ACSL1: variants seen among roughly 807,000 people sequenced by gnomAD.
ACSL1 encodes the protein acyl-CoA synthetase long chain family member 1.
In ACSL1, 41 loss-of-function variants were observed where a neutral mutation model predicts 98.4. The ratio of observed to expected loss-of-function variants is 0.42; its 90% CI spans 0.32 to 0.54. The LOEUF (loss-of-function observed/expected upper bound fraction) is 0.54, where lower values mean the gene tolerates loss of function less well. ACSL1 is among the 20% of genes least tolerant of loss of function. The pLI is 0.13. For synonymous variants in ACSL1, 316 were observed against 322.7 expected, an observed-to-expected ratio of 0.98 and a Z score of 0.22; for missense variants, 734 against 883.1, an observed-to-expected ratio of 0.83 and a Z score of 2.14.
Position 184,805,422 on chromosome 4 carries a change from C to T in ACSL1, c.-32-1876G>A, listed in dbSNP as rs373224662. Reference sequence around the variant, plus strand: ...ACACACACACACACAAACACACACACGAAATTTCAAGGTTTACCATGACAG... The same window carrying T: ...ACACACACACACACAAACACACACATGAAATTTCAAGGTTTACCATGACAG... On this transcript the variant is annotated intron_variant, in intron 1 of 20. Coordinates refer to ENST00000281455, the MANE Select transcript of ACSL1 (RefSeq NM_001995.5). 3.8e-4 allele frequency: 369 copies of T among 969,240 alleles called. 1 individual carries two copies. Among genetic ancestry groups the T allele is most frequent in the African/African-American group, 2.6e-3 (147 of 56,946 alleles). The allele number at this position is 969,240 out of a possible 1,614,324, so 60.0% of individuals were successfully genotyped here.
intron 7 of ACSL1, among the ~76,000 whole-genome samples, chr4:184,774,375 G>A (rs920177251): frequency 2.0e-5 from 3 of 152,160 alleles, no homozygotes; most frequent in Non-Finnish European, 4.4e-5. Flanking sequence ...TGAAATGCTA[G>A]GCATTTTGGA....
Position 184,767,915 on chromosome 4 carries a change from C to A in ACSL1, c.1128+401G>T, listed in dbSNP as rs1157402105. ...ATGTTTTACATGTCCATGCAAGGAG[C>A]TTTACAATGAAGAAAACCATTTCAT... is the stretch of plus-strand genomic sequence containing the variant. On this transcript the variant is annotated intron_variant, in intron 12 of 20. Coordinates refer to ENST00000281455, the MANE Select transcript of ACSL1 (RefSeq NM_001995.5). 4 of 257,032 alleles carry A rather than the reference C, an allele frequency of 1.6e-5. No homozygotes were observed. The East Asian group carries it at 2.3e-4, about 14-fold the overall frequency. The allele number at this position is 257,032 out of a possible 1,614,324, so 15.9% of individuals were successfully genotyped here.
At chr4:184,814,552 T>C (rs1417336581) in intron 1 of ACSL1, among the ~76,000 whole-genome samples, 1 of 152,178 alleles carries the variant, frequency 6.6e-6, no homozygotes, top group African/African-American at 2.4e-5. Context: ...ACTACTATGT[T>C]GTTGTTCTTT....
chr4:184,795,115 T>C (rs1344834415), intron 2 of ACSL1, among the ~76,000 whole-genome samples: 1 of 123,336 alleles, frequency 8.1e-6, no homozygotes, highest in Non-Finnish European at 2.0e-5. Flanking sequence ...CCCGTAGAAA[T>C]TTACATGCCA....
In ACSL1 at chr4:184,776,606, C is replaced by T. The variant is rs1432026546; in HGVS notation, c.634G>A (p.Gly212Ser). 2 of 1,613,916 alleles carry T rather than the reference C, an allele frequency of 1.2e-6. No homozygotes were observed. Among genetic ancestry groups the T allele is most frequent in the South Asian group, 2.2e-5 (2 of 91,074 alleles). Residue 212 changes from glycine to serine, a missense_variant, in exon 7 of 21, where the codon GGT becomes AGT. Gly to Ser is a moderately conservative substitution (Grantham distance 56, BLOSUM62 0). Transcript: ENST00000281455. Reference sequence around the variant, plus strand: ...CCTGGTATTAACTTATTTTCTACACCCTCTAATAAGAGTTTGGCCTTCTCT... The same window carrying T: ...CCTGGTATTAACTTATTTTCTACACTCTCTAATAAGAGTTTGGCCTTCTCT... Reference protein sequence around the residue: ...KPEKAKLLLEGVENKLIPGLK... With the variant: ...KPEKAKLLLESVENKLIPGLK...
At chr4:184,821,907 A>C (rs1287525789) in intron 1 of ACSL1, among the ~76,000 whole-genome samples, 2 of 152,274 alleles carry the variant, frequency 1.3e-5, no homozygotes, top group African/African-American at 2.4e-5. Flanking sequence ...CTGGAAGGAA[A>C]TATAACAAAA....
rs1195937639 is a variant in ACSL1 at position 184,803,779 on chromosome 4, C to CA, written c.-32-234dup. Among the ~76,000 whole-genome samples the CA allele has an allele frequency of 6.6e-6, 1 of 152,154 alleles. No individual in the cohort carries two copies. The highest frequency in any genetic ancestry group is 1.5e-5 in the Non-Finnish European group (1 of 68,028). ...CCATTACCTTGTATTGAAAAAACCC[C>CA]ATTCTCTTCCTTTCATTAACCATAT... On this transcript the variant is annotated intron_variant, in intron 1 of 20. Transcript: ENST00000281455. This position sits in a 1 kb window ranked among gnomAD's most constrained non-coding sequence, Gnocchi z 4.8.
intron 3 of ACSL1, among the ~76,000 whole-genome samples, chr4:184,788,069 AG>A (rs1300306506): frequency 8.5e-5 from 13 of 152,304 alleles, no homozygotes; most frequent in Admixed American, 3.3e-4. Context: ...GTGGCTCTGC[AG>A]GAAGTTCAGT....
intron 3 of ACSL1, 48 bp from the exon 4 acceptor site, chr4:184,784,039 T>C: frequency 6.7e-7 from 1 of 1,484,482 alleles, no homozygotes; most frequent in Non-Finnish European, 9.4e-7. Context: ...ACATAAATAT[T>C]CCTAGATTTT....
intron 3 of ACSL1, among the ~76,000 whole-genome samples, chr4:184,785,472 C>A (rs575516812): frequency 6.6e-6 from 1 of 152,016 alleles, no homozygotes; most frequent in African/African-American, 2.4e-5. Context: ...AAACTCTAGG[C>A]GGGCTGCTTC....
chr4:184,817,395 A>G (rs373252319), intron 1 of ACSL1, among the ~76,000 whole-genome samples: 1 of 152,210 alleles, frequency 6.6e-6, no homozygotes, highest in African/African-American at 2.4e-5. Context: ...AATTTAAAAG[A>G]TGGCCAAAAA....
At chr4:184,817,113 T>C (rs977614930) in intron 1 of ACSL1, among the ~76,000 whole-genome samples, 1 of 152,144 alleles carries the variant, frequency 6.6e-6, no homozygotes, top group Admixed American at 6.6e-5. Flanking sequence ...GGAGTTAACC[T>C]GACTCTCCTT....
chr4:184,764,758 G>A (rs1763332691), intron 15 of ACSL1, 95 bp downstream of exon 15: 2 of 1,114,840 alleles, frequency 1.8e-6, no homozygotes, highest in East Asian at 5.3e-5. Flanking sequence ...GTTTAAGATG[G>A]TTAATGAACC....
intron 2 of ACSL1, among the ~76,000 whole-genome samples, chr4:184,801,027 A>T (rs979320711): frequency 4.6e-5 from 7 of 152,140 alleles, no homozygotes; most frequent in African/African-American, 1.4e-4. Flanking sequence ...TAATTAAAAT[A>T]AAAAAATTTA....
In ACSL1 at chr4:184,766,916, C is replaced by T. The variant is rs977665356; in HGVS notation, c.1129-160G>A. On this transcript the variant is annotated intron_variant, in intron 12 of 20. Coordinates refer to ENST00000281455, the MANE Select transcript of ACSL1 (RefSeq NM_001995.5). This position sits in a 1 kb window ranked among gnomAD's most constrained non-coding sequence, Gnocchi z 4.8. ...CTCTAACGGCCCCACATGGTCAGCA[C>T]AGGACAGCAATTCCACACCTCGGTA... Among the ~76,000 whole-genome samples, 1 of 152,232 alleles carries T rather than the reference C, an allele frequency of 6.6e-6. No homozygotes were observed. Among genetic ancestry groups the T allele is most frequent in the Admixed American group, 6.5e-5 (1 of 15,292 alleles).
Position 184,803,539 on chromosome 4 carries a change from G to A in ACSL1, c.-25C>T, listed in dbSNP as rs1308566506. On this transcript the variant is annotated 5_prime_UTR_variant, in exon 2 of 21. Transcript: ENST00000281455. This position sits in a 1 kb window ranked among gnomAD's most constrained non-coding sequence, Gnocchi z 4.8. ...TTGTCCTGTGTTGATAGTTCTCTAA[G>A]CTGAATTCTGTTGGGAGAGAAAAAT... 1 of 1,464,726 alleles carries A rather than the reference G, an allele frequency of 6.8e-7. No homozygotes were observed. Among genetic ancestry groups the A allele is most frequent in the Non-Finnish European group, 9.1e-7 (1 of 1,099,728 alleles). 90.7% of individuals were successfully genotyped at this position (1,464,726 alleles called of 1,614,324 possible).
intron 18 of ACSL1, chr4:184,758,770 T>C (rs1383147312): frequency 1.3e-5 from 2 of 152,242 alleles, no homozygotes; most frequent in Admixed American, 1.3e-4. Flanking sequence ...TTTTTCTTTT[T>C]TTTTTAAATT....
rs373694713 is a variant in ACSL1 at position 184,812,533 on chromosome 4, C to T, written c.-32-8987G>A. On this transcript the variant is annotated intron_variant, in intron 1 of 20. Transcript: ENST00000281455. The stretch of plus-strand genomic sequence containing the variant: ...TGACTGGGGGAAAAAGAAAAGGGTG[C>T]GAGCCACTGATGTAAAGGGGACATA... Among the ~76,000 whole-genome samples, 73 of 152,146 alleles carry T rather than the reference C, an allele frequency of 4.8e-4. 2 individuals carry two copies. Among genetic ancestry groups the T allele is most frequent in the African/African-American group, 1.5e-3 (64 of 41,540 alleles).
chr4:184,791,507 G>T (rs1410995183), intron 2 of ACSL1, among the ~76,000 whole-genome samples: 1 of 152,242 alleles, frequency 6.6e-6, no homozygotes, highest in African/African-American at 2.4e-5. Context: ...AAACTCTGGG[G>T]ATGCGATCCA....
Sources: allele counts gnomAD v4.1 joint callset (sites outside exome capture counted in the v4.1 genomes callset), GRCh38; gene constraint gnomAD v4.1.1; non-coding constraint Gnocchi (gnomAD v3.1); transcripts MANE v1.5; gene names NCBI Gene and HGNC (gene_info 2026-07-23, HGNC 2026-07-21).